The following AAK1 variants were observed in gnomAD, a reference collection of about 807,000 sequenced individuals.
The protein encoded by AAK1 is AP2-associated protein kinase 1.
Under a neutral mutation model 116.0 loss-of-function variants are expected in AAK1, and 37 were observed. The ratio of observed to expected loss-of-function variants is 0.32; its 90% CI spans 0.25 to 0.42. The LOEUF is 0.42. Ranked by LOEUF, AAK1 falls within the 10% of genes least tolerant of loss-of-function variation. The pLI is 1.00. For synonymous variants in AAK1, 458 were observed against 439.9 expected (o/e 1.04, Z -0.51); for missense variants, 919 against 1,170.6 (o/e 0.79, Z 3.14).
At chr2:69,563,960 G>A (rs1334731126) in intron 2 of AAK1, among the ~76,000 whole-genome samples, 1 of 152,106 alleles carries the variant, frequency 6.6e-6, no homozygotes, top group East Asian at 1.9e-4. Flanking sequence ...TTGGGAGGCC[G>A]AGGCAGGTGG....
Position 69,468,889 on chromosome 2 carries a change from T to C in AAK1, c.*6980A>G. Reference sequence around the variant, plus strand: ...TGGTCGAGAACCCATTTGGAAAACCTTCCAACTCAGAGCATATTCTATGAC... The same window carrying C: ...TGGTCGAGAACCCATTTGGAAAACCCTCCAACTCAGAGCATATTCTATGAC... On this transcript the variant is annotated 3_prime_UTR_variant, in exon 22 of 22. Transcript: ENST00000409085. The C allele has an allele frequency of 1.0e-6, 1 of 985,422 alleles. No individual in the cohort carries two copies. Among genetic ancestry groups the C allele is most frequent in the Middle Eastern group, 5.2e-4 (1 of 1,914 alleles). The allele number at this position is 985,422 out of a possible 1,614,324, so 61.0% of individuals were successfully genotyped here. A position where few individuals can be genotyped will look rare whatever the true frequency, so the allele number is the denominator to read the frequency against.
In AAK1 at chr2:69,594,785, G is replaced by C. The variant is rs1210311187; in HGVS notation, c.164-37807C>G. ...CCCTTTCTCTTCTTACCTCCTCCCA[G>C]TTCAGAATGCTTGCCTCTTTTAATA... On this transcript the variant is annotated intron_variant, in intron 2 of 21. Transcript: ENST00000409085. 4.3e-6 allele frequency: 5 copies of C among 1,156,172 alleles called. No homozygotes were observed. The African/African-American group carries it at 7.5e-5, about 17-fold the overall frequency. The allele number at this position is 1,156,172 out of a possible 1,614,324, so 71.6% of individuals were successfully genotyped here.
Position 69,471,915 on chromosome 2 carries a change from T to C in AAK1, c.*3954A>G. 1.0e-6 allele frequency: 1 copy of C among 985,248 alleles called. No homozygotes were observed. Among genetic ancestry groups the C allele is most frequent in the Non-Finnish European group, 1.2e-6 (1 of 829,780 alleles). The allele number at this position is 985,248 out of a possible 1,614,324, so 61.0% of individuals were successfully genotyped here. ...AAAAGTATTAATAATAAAACAAATA[T>C]TACATCTTGAGAAAGTAGTTCGTTT... is the stretch of plus-strand genomic sequence containing the variant. On this transcript the variant is annotated 3_prime_UTR_variant, in exon 22 of 22. Coordinates refer to ENST00000409085, the MANE Select transcript of AAK1 (RefSeq NM_014911.5).
At chr2:69,498,022 A>T (rs1376125076) in intron 16 of AAK1, among the ~76,000 whole-genome samples, 1 of 78,534 alleles carries the variant, frequency 1.3e-5, no homozygotes, top group Non-Finnish European at 2.6e-5. Context: ...CCTCCACCCC[A>T]CCCCACCCCA....
intron 17 of AAK1, among the ~76,000 whole-genome samples, chr2:69,483,491 TG>T (rs1416309026): frequency 6.6e-6 from 1 of 152,230 alleles, no homozygotes; most frequent in Admixed American, 6.5e-5. Flanking sequence ...AACATTTGGT[TG>T]TTTCCAGTTT....
chr2:69,591,945 C>T (rs1365312638), intron 2 of AAK1, among the ~76,000 whole-genome samples: 3 of 152,120 alleles, frequency 2.0e-5, no homozygotes, highest in African/African-American at 7.2e-5. Context: ...AAGATGTCAC[C>T]AAGGCATCTG....
At chr2:69,483,259 G>A (rs1456885726) in intron 17 of AAK1, among the ~76,000 whole-genome samples, 3 of 152,158 alleles carry the variant, frequency 2.0e-5, no homozygotes, top group Non-Finnish European at 4.4e-5. Flanking sequence ...GGTAACAACA[G>A]ATCTGCTTTC....
chr2:69,628,172 G>A (rs768883579), intron 2 of AAK1, among the ~76,000 whole-genome samples: 8 of 152,164 alleles, frequency 5.3e-5, no homozygotes, highest in Non-Finnish European at 8.8e-5. Context: ...TTGGCTGGGC[G>A]TGGTGGCTCA....
chr2:69,641,107 T>A (rs1423562930), intron 2 of AAK1, among the ~76,000 whole-genome samples: 1 of 152,194 alleles, frequency 6.6e-6, no homozygotes, highest in East Asian at 1.9e-4. Context: ...GCAGCCTAGG[T>A]AACAAAGACC....
rs148416668 is a variant in AAK1 at position 69,467,150 on chromosome 2, C to G, written c.*8719G>C. The G allele has an allele frequency of 2.0e-6, 2 of 985,294 alleles. No homozygotes were observed. Among genetic ancestry groups the G allele is most frequent in the East Asian group, 2.3e-4 (2 of 8,830 alleles). 61.0% of individuals were successfully genotyped at this position (985,294 alleles called of 1,614,324 possible). A position where few individuals can be genotyped will look rare whatever the true frequency, so the allele number is the denominator to read the frequency against. On this transcript the variant is annotated 3_prime_UTR_variant, in exon 22 of 22. Transcript: ENST00000409085. ...GAAGGTACCTTCTGAGGGGAGCATA[C>G]AGCATCAAAATCAGACCAAATAAAT...
intron 2 of AAK1, among the ~76,000 whole-genome samples, chr2:69,640,978 C>T (rs1675696931): frequency 6.6e-6 from 1 of 152,232 alleles, no homozygotes; most frequent in Non-Finnish European, 1.5e-5. Flanking sequence ...TGGCACTTCA[C>T]AGGCAACTCC....
chr2:69,599,944 A>ATT lies in AAK1; in HGVS notation c.163+42932_163+42933dup, dbSNP rs57552852. Among the ~76,000 whole-genome samples the ATT allele has an allele frequency of 1.9e-3, 261 of 138,356 alleles. 2 individuals carry two copies. Among genetic ancestry groups the ATT allele is most frequent in the African/African-American group, 6.4e-3 (238 of 37,266 alleles). 90.8% of individuals were successfully genotyped at this position (138,356 alleles called of 152,430 possible). A position where few individuals can be genotyped will look rare whatever the true frequency, so the allele number is the denominator to read the frequency against. On this transcript the variant is annotated intron_variant, in intron 2 of 21. Transcript: ENST00000409085. ...AAGTGTATGCCACCATATCCAGCTA[A>ATT]TTTTTTTTTTTTTTTTTTGTAGAGA... is the stretch of plus-strand genomic sequence containing the variant.
rs76834666 is a variant in AAK1, at chr2:69,494,160, C to G, written c.2365+1825G>C. 7.7e-3 allele frequency among the ~76,000 whole-genome samples: 1,173 copies of G among 152,170 alleles called. 11 individuals carry two copies. Among genetic ancestry groups the G allele is most frequent in the African/African-American group, 0.027 (1,107 of 41,498 alleles). The stretch of plus-strand genomic sequence containing the variant: ...GTCTCATTTTAGTTGATCTTTCCAC[C>G]GAAACCCAAGAGAGGTCTTGGCTTA... On this transcript the variant is annotated intron_variant, in intron 17 of 21. Coordinates refer to ENST00000409085, the MANE Select transcript of AAK1 (RefSeq NM_014911.5).
At chr2:69,518,506 C>A (rs527331333) in intron 12 of AAK1, among the ~76,000 whole-genome samples, 8 of 150,862 alleles carry the variant, frequency 5.3e-5, no homozygotes, top group Non-Finnish European at 1.0e-4. Flanking sequence ...TGAACCTCTG[C>A]CTCCTGGGTT....
At chr2:69,507,970 G>A (rs1215612582) in intron 14 of AAK1, among the ~76,000 whole-genome samples, 1 of 152,184 alleles carries the variant, frequency 6.6e-6, no homozygotes, top group Non-Finnish European at 1.5e-5. Context: ...GCCTCCCAAA[G>A]TGCTAGGATT....
intron 9 of AAK1, among the ~76,000 whole-genome samples, chr2:69,526,638 G>A (rs1164521587): frequency 6.6e-6 from 1 of 152,160 alleles, no homozygotes; most frequent in Non-Finnish European, 1.5e-5. Flanking sequence ...CTGTAAAAAG[G>A]ACATTTGCAA....
At chr2:69,625,486 C>T (rs6722140) in intron 2 of AAK1, among the ~76,000 whole-genome samples, 5 of 152,070 alleles carry the variant, frequency 3.3e-5, no homozygotes, top group African/African-American at 9.7e-5. Flanking sequence ...TAAAAATTAA[C>T]GAACCATAAG....
rs1674537868 is a variant in AAK1 at position 69,467,776 on chromosome 2, C to A, written c.*8093G>T. ...TTCTGCATGAATTAAGCACACAGAC[C>A]ACAGCAGAAGAGGCATTAAAATCAG... On this transcript the variant is annotated 3_prime_UTR_variant, in exon 22 of 22. Coordinates refer to ENST00000409085, the MANE Select transcript of AAK1 (RefSeq NM_014911.5). 1.0e-6 allele frequency: 1 copy of A among 985,352 alleles called. No homozygotes were observed. 61.0% of individuals were successfully genotyped at this position (985,352 alleles called of 1,614,324 possible). A position where few individuals can be genotyped will look rare whatever the true frequency, so the allele number is the denominator to read the frequency against.
At chr2:69,524,234 T>C (rs1669918807) in intron 10 of AAK1, among the ~76,000 whole-genome samples, 1 of 152,050 alleles carries the variant, frequency 6.6e-6, no homozygotes. Flanking sequence ...GACACATGTT[T>C]AGGATATTTT....
Sources: gnomAD v4.1 joint callset for allele counts (sites outside exome capture counted in the v4.1 genomes callset) on GRCh38, gnomAD v4.1.1 for gene constraint, MANE v1.5 for transcripts, NCBI Gene and HGNC (gene_info 2026-07-23, HGNC 2026-07-21) for gene names.